The following CMTM4 variants were observed in gnomAD, a reference collection of about 807,000 sequenced individuals.
CMTM4 encodes the protein CKLF like MARVEL transmembrane domain containing 4, also known as CKLF-like MARVEL transmembrane domain-containing protein 4.
Under a neutral mutation model 19.0 loss-of-function variants are expected in CMTM4, and 8 were observed. That is an observed-to-expected ratio of 0.42 (90% CI 0.25 to 0.76). The LOEUF (loss-of-function observed/expected upper bound fraction) is 0.76. Ranked by LOEUF, CMTM4 falls within the 30% of genes least tolerant of loss-of-function variation. CMTM4 has a pLI of 0.27. For missense variants in CMTM4, 228 were observed against 290.2 expected (o/e 0.79, Z 1.56); for synonymous variants, 106 against 121.1 (o/e 0.88, Z 0.82).
intron 1 of CMTM4, among the ~76,000 whole-genome samples, chr16:66,680,047 C>A (rs967471819): frequency 6.6e-6 from 1 of 152,100 alleles, no homozygotes; most frequent in Admixed American, 6.6e-5. Context: ...TTGCCATGAA[C>A]GTTAAATGAG....
At chr16:66,614,151 C>T (rs2015482368), downstream of CMTM4, among the ~76,000 whole-genome samples, 1 of 152,252 alleles carries the variant, frequency 6.6e-6, no homozygotes, top group South Asian at 2.1e-4. This position sits in a 1 kb window ranked among gnomAD's most constrained non-coding sequence, Gnocchi z 4.9. Flanking sequence ...GGAGGCAGAG[C>T]TCAGGCGGTA....
intron 1 of CMTM4, among the ~76,000 whole-genome samples, chr16:66,689,005 T>C (rs1258413068): frequency 1.3e-5 from 2 of 152,232 alleles, no homozygotes; most frequent in South Asian, 2.1e-4. Flanking sequence ...TCCTGTAACC[T>C]TGCTAACTCA....
intron 1 of CMTM4, among the ~76,000 whole-genome samples, chr16:66,680,037 T>C (rs1284062070): frequency 6.6e-6 from 1 of 152,132 alleles, no homozygotes; most frequent in Non-Finnish European, 1.5e-5. Flanking sequence ...CCTGATAAGC[T>C]TGCCATGAAC....
chr16:66,610,271 G>A (rs975293392), downstream of CMTM4, among the ~76,000 whole-genome samples: 16 of 152,028 alleles, frequency 1.1e-4, no homozygotes, highest in Admixed American at 5.2e-4. This position sits in a 1 kb window ranked among gnomAD's most constrained non-coding sequence, Gnocchi z 4.6. Flanking sequence ...CTCCCTGGAC[G>A]ACCCCCCTGG....
chr16:66,666,629 T>C (rs2016599563), intron 1 of CMTM4, among the ~76,000 whole-genome samples: 4 of 152,146 alleles, frequency 2.6e-5, no homozygotes. Context: ...ACCTAAGAGA[T>C]GGCAAATAAG....
In CMTM4 at chr16:66,618,358, A is replaced by G. The variant is rs960166762; in HGVS notation, c.*3700T>C. 5 of 985,348 alleles carry G rather than the reference A, an allele frequency of 5.1e-6. No individual in the cohort carries two copies. The highest frequency in any genetic ancestry group is 6.0e-6 in the Non-Finnish European group (5 of 829,950). 61.0% of individuals were successfully genotyped at this position (985,348 alleles called of 1,614,324 possible). On this transcript the variant is annotated 3_prime_UTR_variant, in exon 4 of 4. Transcript: ENST00000394106. ...ACTTCATGACTGTTTTGTTTTGAAC[A>G]CAGATGAGACAATAGGAACCCTTAA...
chr16:66,617,096 G>A lies in CMTM4; in HGVS notation c.*4962C>T, dbSNP rs1193602491. On this transcript the variant is annotated 3_prime_UTR_variant, in exon 4 of 4. Coordinates refer to ENST00000394106, the MANE Select transcript of CMTM4 (RefSeq NM_181521.3). ...TTTAAAAGTTTCAATAGCTCCCTGG[G>A]GGTCCAAGCCAAAGGCTCCCTGGCC... 1 of 532,890 alleles carries A rather than the reference G, an allele frequency of 1.9e-6. No individual in the cohort carries two copies. The highest frequency in any genetic ancestry group is 1.9e-5 in the African/African-American group (1 of 52,108). The allele number at this position is 532,890 out of a possible 1,614,324, so 33.0% of individuals were successfully genotyped here.
At position 66,619,482 on chromosome 16, in the gene CMTM4, A is replaced by C. The variant is rs2015588933; in HGVS notation, c.*2576T>G. ...CTCAGCCTTCAAATGCCCCAAACCA[A>C]ACTGATATTGGTCCCTATTGAAACT... On this transcript the variant is annotated 3_prime_UTR_variant, in exon 4 of 4. Coordinates refer to ENST00000394106, the MANE Select transcript of CMTM4 (RefSeq NM_181521.3). 1 of 985,270 alleles carries C rather than the reference A, an allele frequency of 1.0e-6. No individual in the cohort carries two copies. Among genetic ancestry groups the C allele is most frequent in the African/African-American group, 1.7e-5 (1 of 57,216 alleles). 61.0% of individuals were successfully genotyped at this position (985,270 alleles called of 1,614,324 possible). A position where few individuals can be genotyped will look rare whatever the true frequency, so the allele number is the denominator to read the frequency against.
chr16:66,641,418 T>C (rs1158921135), intron 1 of CMTM4, among the ~76,000 whole-genome samples: 1 of 152,232 alleles, frequency 6.6e-6, no homozygotes, highest in African/African-American at 2.4e-5. Flanking sequence ...AAAACTCTTG[T>C]TGTTATAAAA....
chr16:66,666,587 T>C (rs2016598800), intron 1 of CMTM4, among the ~76,000 whole-genome samples: 1 of 152,206 alleles, frequency 6.6e-6, no homozygotes, highest in African/African-American at 2.4e-5. Flanking sequence ...GAAAACAAAC[T>C]GCCCAATAAA....
rs905578817 is a variant in CMTM4, at chr16:66,618,274, G to A, written c.*3784C>T. The A allele has an allele frequency of 1.4e-5, 14 of 985,290 alleles. No homozygotes were observed. Among genetic ancestry groups the A allele is most frequent in the South Asian group, 4.7e-5 (1 of 21,298 alleles). The allele number at this position is 985,290 out of a possible 1,614,324, so 61.0% of individuals were successfully genotyped here. ...TTCCCCTTTCTGATACCTGTTTAAC[G>A]TCATTATTACTCTGTAAACAAGATC... On this transcript the variant is annotated 3_prime_UTR_variant, in exon 4 of 4. Transcript: ENST00000394106.
intron 2 of CMTM4, among the ~76,000 whole-genome samples, chr16:66,628,505 C>T (rs1056052386): frequency 2.0e-5 from 3 of 152,208 alleles, no homozygotes; most frequent in Non-Finnish European, 4.4e-5. Flanking sequence ...TGCTTGTAAA[C>T]ATTTTGTTAA....
At position 66,696,190 on chromosome 16, in the gene CMTM4, T is replaced by C; in HGVS notation, c.186+150A>G. On this transcript the variant is annotated intron_variant, in intron 1 of 3. Coordinates refer to ENST00000394106, the MANE Select transcript of CMTM4 (RefSeq NM_181521.3). This position sits in a 1 kb window ranked among gnomAD's most constrained non-coding sequence, Gnocchi z 4.3. ...GGGGTCCCCAGAGAAGGCTGCAGAG[T>C]GGTCCCGGGACCCCACGAGGGAGAG... The C allele has an allele frequency of 4.3e-6, 2 of 467,670 alleles. No homozygotes were observed. The highest frequency in any genetic ancestry group is 6.7e-6 in the Non-Finnish European group (2 of 299,466). The allele number at this position is 467,670 out of a possible 1,614,324, so 29.0% of individuals were successfully genotyped here. A position where few individuals can be genotyped will look rare whatever the true frequency, so the allele number is the denominator to read the frequency against.
chr16:66,662,035 C>G (rs1401548944), intron 1 of CMTM4, among the ~76,000 whole-genome samples: 1 of 151,998 alleles, frequency 6.6e-6, no homozygotes, highest in Admixed American at 6.6e-5. Flanking sequence ...CTACACAAGC[C>G]AGGGCCCCAG....
At chr16:66,689,740 A>C (rs2144924316) in intron 1 of CMTM4, among the ~76,000 whole-genome samples, 1 of 152,302 alleles carries the variant, frequency 6.6e-6, no homozygotes, top group East Asian at 1.9e-4. Flanking sequence ...GTGTACACCT[A>C]TAACATTTAC....
chr16:66,696,426 C>A lies in CMTM4; in HGVS notation c.100G>T (p.Val34Leu). The change falls in exon 1 of 4, where the codon GTG (valine) becomes TTG (leucine). Residue 34 changes from valine (V) to leucine (L), a missense_variant. Val to Leu is a conservative substitution (Grantham distance 32). Around this residue, in one of 3 missense-constraint regions of CMTM4, gnomAD observed 200 missense variants for 226.6 expected, o/e 0.88. Coordinates refer to ENST00000394106, the MANE Select transcript of CMTM4 (RefSeq NM_181521.3). This position sits in a 1 kb window ranked among gnomAD's most constrained non-coding sequence, Gnocchi z 4.3. ...SSPYQPTTEP[V>L]SQRRGLAGLR... ...CCGGCCAGCCCGCGGCGCTGGCTCA[C>A]CGGCTCGGTGGTGGGCTGGTACGGG... 1 of 1,398,284 alleles carries A rather than the reference C, an allele frequency of 7.2e-7. No homozygotes were observed. Among genetic ancestry groups the A allele is most frequent in the South Asian group, 1.5e-5 (1 of 68,664 alleles). The allele number at this position is 1,398,284 out of a possible 1,614,324, so 86.6% of individuals were successfully genotyped here. A position where few individuals can be genotyped will look rare whatever the true frequency, so the allele number is the denominator to read the frequency against.
intron 1 of CMTM4, among the ~76,000 whole-genome samples, chr16:66,643,238 C>T (rs1268410306): frequency 6.6e-6 from 1 of 152,114 alleles, no homozygotes; most frequent in Non-Finnish European, 1.5e-5. Context: ...GCATTTTTGG[C>T]ATTCAGCTAA....
chr16:66,683,273 A>AT (rs1231199938), intron 1 of CMTM4, among the ~76,000 whole-genome samples: 1 of 100,062 alleles, frequency 1.0e-5, no homozygotes, highest in Non-Finnish European at 2.0e-5. Context: ...TTAATAACCC[A>AT]TTTTTTTCTT....
intron 1 of CMTM4, among the ~76,000 whole-genome samples, chr16:66,683,860 A>C (rs1433368934): frequency 6.6e-6 from 1 of 152,094 alleles, no homozygotes; most frequent in Admixed American, 6.6e-5. Flanking sequence ...AACAGAGCCA[A>C]GTGGGAATCT....
Sources: allele counts gnomAD v4.1 joint callset (sites outside exome capture counted in the v4.1 genomes callset), GRCh38; gene constraint gnomAD v4.1.1; regional missense constraint gnomAD v4.1.1; non-coding constraint Gnocchi (gnomAD v3.1); transcripts MANE v1.5; gene names NCBI Gene and HGNC (gene_info 2026-07-23, HGNC 2026-07-21).